Variants in RECK observed in about 807,000 individuals in gnomAD.
RECK encodes reversion inducing cysteine rich protein with kazal motifs.
In RECK, 69 loss-of-function variants were observed where a neutral mutation model predicts 115.1. The observed-to-expected ratio is 0.60, with a 90% confidence interval of 0.49 to 0.73. The LOEUF (loss-of-function observed/expected upper bound fraction) is 0.73. RECK is among the 30% of genes least tolerant of loss of function. RECK has a pLI of 0.00. For synonymous variants in RECK, 414 were observed against 419.7 expected, an observed-to-expected ratio of 0.99 and a Z score of 0.17; for missense variants, 1,047 against 1,203.7, an observed-to-expected ratio of 0.87 and a Z score of 1.93.
chr9:36,044,982 T>C (rs891788403), intron 1 of RECK, among the ~76,000 whole-genome samples: 2 of 152,200 alleles, frequency 1.3e-5, no homozygotes, highest in Non-Finnish European at 2.9e-5. Context: ...GTCATATTGG[T>C]ACTACAATTG....
Position 36,100,391 on chromosome 9 carries a change from G to C in RECK, c.1146G>C (p.Met382Ile), listed in dbSNP as rs144037912. The C allele has an allele frequency of 1.2e-4, 187 of 1,614,056 alleles. No homozygotes were observed. Among genetic ancestry groups the C allele is most frequent in the Non-Finnish European group, 2.3e-5 (27 of 1,180,024 alleles). Reference protein sequence around the residue: ...AQSDQGAMNDMKLWEKGSIKM... With the variant: ...AQSDQGAMNDIKLWEKGSIKM... ...CAGATCAAGGAGCCATGAATGACAT[G>C]AAGTTGTGGGAGAAAGGAAGCATAA... Residue 382 changes from methionine (M) to isoleucine (I), a missense_variant, in exon 11 of 21, where the codon ATG becomes ATC. Coordinates refer to ENST00000377966, the MANE Select transcript of RECK (RefSeq NM_021111.3).
rs141463499 is a variant in RECK, at chr9:36,118,598, C to A, written c.2254-159C>A. Among the ~76,000 whole-genome samples the A allele has an allele frequency of 6.9e-3, 1,055 of 152,252 alleles. 14 individuals carry two copies. The highest frequency in any genetic ancestry group is 0.023 in the African/African-American group (940 of 41,550). On this transcript the variant is annotated intron_variant, in intron 17 of 20. Transcript: ENST00000377966. ...CATATTGCTGCCCACGCCACCACCACCCCCAGCATTTAGCCCACCTCAGGA... is the reference window on the plus strand; with the variant it reads ...CATATTGCTGCCCACGCCACCACCAACCCCAGCATTTAGCCCACCTCAGGA...
intron 6 of RECK, among the ~76,000 whole-genome samples, 154 bp downstream of exon 6, chr9:36,065,778 C>T (rs969176709): frequency 4.0e-5 from 6 of 151,892 alleles, no homozygotes; most frequent in East Asian, 1.9e-4. Context: ...TTACTGTGTT[C>T]GGAAATGTTA....
At chr9:36,084,129 C>T (rs927035711) in intron 8 of RECK, among the ~76,000 whole-genome samples, 10 of 152,166 alleles carry the variant, frequency 6.6e-5, no homozygotes, top group African/African-American at 2.4e-4. Context: ...AGTGTGGTCG[C>T]TCATGCCTGT....
In RECK at chr9:36,102,142, C is replaced by A. The variant is rs892265585; in HGVS notation, c.1347C>A (p.Phe449Leu). The A allele has an allele frequency of 6.2e-7, 1 of 1,613,528 alleles. No homozygotes were observed. The highest frequency in any genetic ancestry group is 8.5e-7 in the Non-Finnish European group (1 of 1,179,620). The change falls in exon 12 of 21, where the codon TTC (phenylalanine) becomes TTA (leucine). Residue 449 changes from phenylalanine (F) to leucine (L), a missense_variant. Coordinates refer to ENST00000377966, the MANE Select transcript of RECK (RefSeq NM_021111.3). Reference protein sequence around the residue: ...ILKKCGDQNKFPEDHTAESIC... With the variant: ...ILKKCGDQNKLPEDHTAESIC... ...AAAAATGTGGAGACCAGAACAAATT[C>A]CCTGAAGACCACACAGCTGAAAGTA...
In RECK at chr9:36,117,167, G is replaced by T; in HGVS notation, c.2243G>T (p.Gly748Val). 1.2e-6 allele frequency: 2 copies of T among 1,610,788 alleles called. No homozygotes were observed. Among genetic ancestry groups the T allele is most frequent in the Non-Finnish European group, 1.7e-6 (2 of 1,177,932 alleles). ...YQRGKSLSYK[G>V]PCQPFCRATE... Reference sequence around the variant, plus strand: ...AGAGGAAAAAGCCTCTCTTACAAAGGTCCCTGCCAGGTACAGTGCTTTGGC... The same window carrying T: ...AGAGGAAAAAGCCTCTCTTACAAAGTTCCCTGCCAGGTACAGTGCTTTGGC... Residue 748 changes from glycine to valine, a missense_variant, in exon 17 of 21, where the codon GGT becomes GTT. By Grantham distance (109) the Gly-to-Val change is moderately radical. Coordinates refer to ENST00000377966, the MANE Select transcript of RECK (RefSeq NM_021111.3).
intron 5 of RECK, among the ~76,000 whole-genome samples, chr9:36,064,365 A>G (rs961333267): frequency 6.6e-6 from 1 of 152,166 alleles, no homozygotes; most frequent in African/African-American, 2.4e-5. Flanking sequence ...TTGATTTGAT[A>G]TAGTTCTGCC....
intron 1 of RECK, among the ~76,000 whole-genome samples, chr9:36,051,020 G>A (rs1420760718): frequency 2.6e-5 from 4 of 151,922 alleles, no homozygotes; most frequent in African/African-American, 9.7e-5. Context: ...ATATATATAT[G>A]TATGTGTATA....
In RECK at chr9:36,091,292, CT is replaced by C. The variant is rs1823147532; in HGVS notation, c.1036del (p.Cys346AlafsTer34). On this transcript the variant is annotated frameshift_variant, in exon 10 of 21. Transcript: ENST00000377966. LOFTEE classifies it high-confidence loss of function. Reference protein sequence around the residue: ...MLTCLADVREPCQLGCRNLTY... With the variant: ...MLTCLADVREXCQLGCRNLTY... ...ACCTGTTTAGCGGATGTCCGGGAAC[CT>C]TGCCAGTTGGGCTGTAGAAACCTTA... The C allele has an allele frequency of 6.2e-7, 1 of 1,605,474 alleles. No individual in the cohort carries two copies. Among genetic ancestry groups the C allele is most frequent in the Non-Finnish European group, 8.5e-7 (1 of 1,176,936 alleles).
chr9:36,121,548 C>T lies in RECK; in HGVS notation c.2554C>T (p.Pro852Ser), dbSNP rs764594861. 3.7e-6 allele frequency: 6 copies of T among 1,613,538 alleles called. No homozygotes were observed. In the South Asian group the frequency reaches 6.6e-5, roughly 18 times the overall value. Reference sequence around the variant, plus strand: ...CTCTTTCCAGGTAACAAATAAAAAGCCAATAACAGTTCTGGAAATACTTCA... The same window carrying T: ...CTCTTTCCAGGTAACAAATAAAAAGTCAATAACAGTTCTGGAAATACTTCA... The part of the protein sequence containing the change: ...DTIAKVTNKK[P>S]ITVLEILQKI... Residue 852 changes from proline (P) to serine (S), a missense_variant, in exon 20 of 21, where the codon CCA becomes TCA. By Grantham distance (74) the Pro-to-Ser change is moderately conservative. Coordinates refer to ENST00000377966, the MANE Select transcript of RECK (RefSeq NM_021111.3).
In RECK at chr9:36,112,480, A is replaced by G. The variant is rs757124936; in HGVS notation, c.2060+4A>G. 2.1e-5 allele frequency: 34 copies of G among 1,613,688 alleles called. No homozygotes were observed. The highest frequency in any genetic ancestry group is 2.8e-5 in the Non-Finnish European group (33 of 1,179,890). On this transcript the variant is annotated splice_donor_region_variant and intron_variant, in intron 16 of 20. Transcript: ENST00000377966. The stretch of plus-strand genomic sequence containing the variant: ...ATCCCTGCCAAAAAAACCAAAGGTA[A>G]GTCAAATGGCTTCTTATTTTATTCA...
At chr9:36,082,188 C>CTCTCTCTCTCTCTCTT (rs1401784584) in intron 7 of RECK, among the ~76,000 whole-genome samples, 1 of 146,512 alleles carries the variant, frequency 6.8e-6, no homozygotes, top group Non-Finnish European at 1.5e-5. Context: ...CTCTCTCTCT[C>CTCTCTCTCTCTCTCTT]CTTTTTTCTT....
At chr9:36,059,505 A>T (rs929527053) in intron 3 of RECK, among the ~76,000 whole-genome samples, 1 of 152,118 alleles carries the variant, frequency 6.6e-6, no homozygotes, top group African/African-American at 2.4e-5. Context: ...TTATTATTAT[A>T]GTTTGACTAA....
In RECK at chr9:36,105,203, G is replaced by A. The variant is rs772264935; in HGVS notation, c.1496G>A (p.Cys499Tyr). 2 of 1,613,872 alleles carry A rather than the reference G, an allele frequency of 1.2e-6. No homozygotes were observed. The highest frequency in any genetic ancestry group is 1.7e-6 in the Non-Finnish European group (2 of 1,179,928). The change falls in exon 13 of 21, where the codon TGC becomes TAC. Residue 499 changes from cysteine (C) to tyrosine (Y), a missense_variant. Transcript: ENST00000377966. ...EVTHPCNPNP[C>Y]PANELCEVNR... ...ACTCATCCCTGTAACCCAAATCCTT[G>A]CCCTGCCAATGAGCTCTGTGAAGTA...
intron 13 of RECK, among the ~76,000 whole-genome samples, chr9:36,105,661 T>C (rs1046436252): frequency 3.9e-5 from 6 of 152,334 alleles, no homozygotes; most frequent in African/African-American, 1.4e-4. Context: ...AAAAAAATAC[T>C]CTACATTGTT....
At chr9:36,042,155 C>T in intron 1 of RECK, among the ~76,000 whole-genome samples, 1 of 151,670 alleles carries the variant, frequency 6.6e-6, no homozygotes, top group Non-Finnish European at 1.5e-5. Flanking sequence ...TTTTGGTGCA[C>T]CCATCACTAC....
rs191173983 is a variant in RECK at position 36,101,923 on chromosome 9, G to A, written c.1299-171G>A. ...GGTCTCAGACAACAGAAAGTTAGGGGTGCTTTCAATTTATTATTCAACCTG... is the reference window on the plus strand; with the variant it reads ...GGTCTCAGACAACAGAAAGTTAGGGATGCTTTCAATTTATTATTCAACCTG... On this transcript the variant is annotated intron_variant, in intron 11 of 20. Transcript: ENST00000377966. Among the ~76,000 whole-genome samples the A allele has an allele frequency of 2.6e-5, 4 of 152,328 alleles. No individual in the cohort carries two copies. The East Asian group carries it at 7.7e-4, about 29-fold the overall frequency.
intron 11 of RECK, 144 bp from the exon 12 acceptor site, chr9:36,101,950 G>T: frequency 2.7e-6 from 2 of 729,408 alleles, no homozygotes; most frequent in East Asian, 2.8e-5. Context: ...TTCAACCTGA[G>T]CTCTCCTGTG....
intron 1 of RECK, among the ~76,000 whole-genome samples, chr9:36,045,136 A>G (rs1441952748): frequency 1.3e-5 from 2 of 152,200 alleles, no homozygotes; most frequent in African/African-American, 4.8e-5. Context: ...GTATGACAAG[A>G]TGTTAGCAGT....
Sources: allele counts gnomAD v4.1 joint callset (sites outside exome capture counted in the v4.1 genomes callset), GRCh38; gene constraint gnomAD v4.1.1; transcripts MANE v1.5; gene names NCBI Gene and HGNC (gene_info 2026-07-23, HGNC 2026-07-21).